ANAPC10: variants seen among roughly 807,000 people sequenced by gnomAD.
ANAPC10 encodes anaphase promoting complex subunit 10.
A neutral mutation model predicts 22.0 loss-of-function variants in ANAPC10; 12 were observed. The observed-to-expected ratio is 0.55, with a 90% confidence interval of 0.35 to 0.88. The LOEUF (loss-of-function observed/expected upper bound fraction) is 0.88. ANAPC10 is among the 40% of genes least tolerant of loss of function. The pLI, the probability that ANAPC10 is intolerant of heterozygous loss-of-function variation, is 0.01. For missense variants in ANAPC10, 188 were observed against 220.9 expected (o/e 0.85, Z 0.94); for synonymous variants, 65 against 69.5 (o/e 0.94, Z 0.32).
chr4:145,026,542 G>A (rs1400125223), intron 4 of ANAPC10, among the ~76,000 whole-genome samples: 1 of 151,864 alleles, frequency 6.6e-6, no homozygotes, highest in Non-Finnish European at 1.5e-5. Context: ...AAGGAGGTGA[G>A]GCTTCCAGAC....
chr4:145,052,889 A>C (rs77159643), intron 4 of ANAPC10, among the ~76,000 whole-genome samples: 1 of 147,888 alleles, frequency 6.8e-6, no homozygotes, highest in African/African-American at 2.5e-5. Context: ...CTCTGTCTCA[A>C]AAAAAAAAAA....
rs550753742 is a variant in ANAPC10 at position 145,059,492 on chromosome 4, C to T, written c.327+5080G>A. Among the ~76,000 whole-genome samples the T allele has an allele frequency of 1.3e-5, 2 of 152,198 alleles. 1 individual carries two copies. The highest frequency in any genetic ancestry group is 4.1e-4 in the South Asian group (2 of 4,822). ...ACAGAGCTTAAAATTCACTTAAGCACTCGATCTTGTGCTCTTGTGCTCTAT... is the reference window on the plus strand; with the variant it reads ...ACAGAGCTTAAAATTCACTTAAGCATTCGATCTTGTGCTCTTGTGCTCTAT... On this transcript the variant is annotated intron_variant, in intron 4 of 4. Transcript: ENST00000507656.
chr4:145,039,841 G>A (rs1430917840), intron 4 of ANAPC10, among the ~76,000 whole-genome samples: 3 of 152,068 alleles, frequency 2.0e-5, no homozygotes, highest in Admixed American at 6.6e-5. Context: ...TGATCTGCCT[G>A]CCATGACTTC....
At chr4:145,042,532 T>C (rs1191991583) in intron 4 of ANAPC10, among the ~76,000 whole-genome samples, 3 of 152,198 alleles carry the variant, frequency 2.0e-5, no homozygotes, top group Non-Finnish European at 4.4e-5. Flanking sequence ...TCTAATTTCA[T>C]TTTTTCATTA....
Position 145,034,523 on chromosome 4 carries a change from T to TTATATATATATATATATATA in ANAPC10, c.327+30029_327+30048dup, listed in dbSNP as rs370113295. Among the ~76,000 whole-genome samples the TTATATATATATATATATATA allele has an allele frequency of 3.3e-3, 303 of 91,138 alleles. 1 individual carries two copies. Among genetic ancestry groups the TTATATATATATATATATATA allele is most frequent in the African/African-American group, 9.4e-3 (154 of 16,336 alleles). The allele number at this position is 91,138 out of a possible 152,430, so 59.8% of individuals were successfully genotyped here. On this transcript the variant is annotated intron_variant, in intron 4 of 4. Coordinates refer to ENST00000507656, the MANE Select transcript of ANAPC10 (RefSeq NM_001256706.2). The stretch of plus-strand genomic sequence containing the variant: ...AAGTTAACACTTAACAAACTCTCCT[T>TTATATATATATATATATATA]TATATATATATATATATATATGTGT...
At chr4:145,026,376 C>T (rs1178456706) in intron 4 of ANAPC10, among the ~76,000 whole-genome samples, 1 of 151,674 alleles carries the variant, frequency 6.6e-6, no homozygotes, top group East Asian at 1.9e-4. Flanking sequence ...TAAACGTAAT[C>T]GATAAGTGAT....
chr4:145,061,560 C>T (rs1224109630), intron 4 of ANAPC10, among the ~76,000 whole-genome samples: 1 of 152,064 alleles, frequency 6.6e-6, no homozygotes. Context: ...ATATATACCA[C>T]GTATATCAAA....
chr4:145,085,190 G>C (rs985131203), intron 2 of ANAPC10, among the ~76,000 whole-genome samples: 1 of 152,142 alleles, frequency 6.6e-6, no homozygotes, highest in African/African-American at 2.4e-5. Context: ...CCTGGAGTTC[G>C]AGGCTGTAGT....
intron 3 of ANAPC10, among the ~76,000 whole-genome samples, chr4:145,073,619 C>G (rs1744792347): frequency 6.6e-6 from 1 of 152,002 alleles, no homozygotes; most frequent in South Asian, 2.1e-4. Context: ...GAGTTTATTA[C>G]TATCAATGTT....
At chr4:145,018,651 T>TA (rs201017904) in intron 4 of ANAPC10, among the ~76,000 whole-genome samples, 396 of 130,744 alleles carry the variant, frequency 3.0e-3, no homozygotes, top group Middle Eastern at 0.012. Context: ...TCTCGAAATC[T>TA]AAAAAAAAAA....
intron 4 of ANAPC10, among the ~76,000 whole-genome samples, chr4:145,006,557 G>A (rs1733399300): frequency 6.6e-6 from 1 of 152,058 alleles, no homozygotes; most frequent in Non-Finnish European, 1.5e-5. Flanking sequence ...AATTACTTAT[G>A]CTAGCTAACC....
At chr4:145,090,482 T>G (rs960448801) in intron 2 of ANAPC10, among the ~76,000 whole-genome samples, 3 of 152,196 alleles carry the variant, frequency 2.0e-5, no homozygotes, top group Non-Finnish European at 2.9e-5. Context: ...CCATGAAGAC[T>G]TCCATGATCG....
intron 4 of ANAPC10, among the ~76,000 whole-genome samples, chr4:145,041,330 T>G (rs1560863677): frequency 6.6e-6 from 1 of 152,242 alleles, no homozygotes; most frequent in African/African-American, 2.4e-5. Context: ...TTAGATAGCA[T>G]GAAGTTTGAC....
intron 3 of ANAPC10, among the ~76,000 whole-genome samples, chr4:145,066,450 A>G (rs1743697779): frequency 6.6e-6 from 1 of 152,072 alleles, no homozygotes; most frequent in Non-Finnish European, 1.5e-5. Context: ...TCTTATGGAG[A>G]GATCAAAGAT....
chr4:145,090,545 A>C (rs1747519836), intron 2 of ANAPC10, among the ~76,000 whole-genome samples: 1 of 152,198 alleles, frequency 6.6e-6, no homozygotes, highest in African/African-American at 2.4e-5. Context: ...CACTGAGCCC[A>C]TATTTAGTGG....
intron 3 of ANAPC10, among the ~76,000 whole-genome samples, chr4:145,079,092 C>G (rs1349958067): frequency 6.6e-6 from 1 of 152,104 alleles, no homozygotes; most frequent in Non-Finnish European, 1.5e-5. Context: ...ACGGAGTAAA[C>G]AGACAACCTA....
chr4:145,031,646 T>C (rs1029164080), intron 4 of ANAPC10, among the ~76,000 whole-genome samples: 30 of 152,320 alleles, frequency 2.0e-4, no homozygotes, highest in African/African-American at 7.0e-4. Context: ...GCTCTGCCAC[T>C]TGGGCCATAT....
chr4:145,016,755 A>C (rs1735228412), intron 4 of ANAPC10, among the ~76,000 whole-genome samples: 2 of 152,208 alleles, frequency 1.3e-5, no homozygotes, highest in South Asian at 4.1e-4. Flanking sequence ...ACAGCATGGT[A>C]CTGGTACCAA....
intron 4 of ANAPC10, among the ~76,000 whole-genome samples, chr4:145,022,654 AT>A (rs564699000): frequency 1.3e-4 from 19 of 151,382 alleles, no homozygotes; most frequent in East Asian, 5.8e-4. Flanking sequence ...CCTATGGAAA[AT>A]TTTTTTTTAA....
Sources: gnomAD v4.1 joint callset for allele counts (sites outside exome capture counted in the v4.1 genomes callset) on GRCh38, gnomAD v4.1.1 for gene constraint, MANE v1.5 for transcripts, NCBI Gene and HGNC (gene_info 2026-07-23, HGNC 2026-07-21) for gene names.